Variants in MAF observed in about 807,000 individuals in gnomAD.
The protein encoded by MAF is MAF bZIP transcription factor, also known as transcription factor Maf.
Under a neutral mutation model 22.0 loss-of-function variants are expected in MAF, and 10 were observed. The ratio of observed to expected loss-of-function variants is 0.45; its 90% CI spans 0.28 to 0.77. MAF has a LOEUF of 0.77. MAF is among the 30% of genes least tolerant of loss of function. MAF has a pLI of 0.12. For synonymous variants in MAF, 337 were observed against 255.8 expected (o/e 1.32, Z -3.03); for missense variants, 544 against 548.4 (o/e 0.99, Z 0.08).
At chr16:79,337,435 T>A in the MAF span, among the ~76,000 whole-genome samples, 8 of 152,014 alleles carry the variant, frequency 5.3e-5, no homozygotes, top group African/African-American at 1.9e-4. Flanking sequence ...CCAGGTGTGG[T>A]GGCGCACCTC....
the MAF span, among the ~76,000 whole-genome samples, chr16:79,526,848 A>T: frequency 1.0e-5 from 1 of 97,382 alleles, no homozygotes; most frequent in African/African-American, 3.0e-5. Flanking sequence ...GCAAATAATA[A>T]GATATAGATA....
chr16:79,211,936 G>A, the MAF span: 3 of 1,538,146 alleles, frequency 2.0e-6, no homozygotes, highest in Non-Finnish European at 2.6e-6. Flanking sequence ...ACAACAGAGT[G>A]AAAAATCTTA....
At chr16:79,387,524 T>G in the MAF span, among the ~76,000 whole-genome samples, 102 of 152,298 alleles carry the variant, frequency 6.7e-4, no homozygotes, top group African/African-American at 2.2e-3. Context: ...TCTACATGAA[T>G]AGTCAATGCT....
the MAF span, among the ~76,000 whole-genome samples, chr16:79,257,043 G>C: frequency 2.0e-5 from 3 of 152,270 alleles, no homozygotes; most frequent in East Asian, 5.8e-4. Flanking sequence ...CAGGTATGGT[G>C]GTGGGCGCCT....
chr16:79,399,996 T>G, the MAF span, among the ~76,000 whole-genome samples: 2 of 69,670 alleles, frequency 2.9e-5, no homozygotes, highest in Non-Finnish European at 9.1e-5. Context: ...CCATTTCAAC[T>G]AAAACCATAA....
chr16:79,253,937 T>A, the MAF span, among the ~76,000 whole-genome samples: 1 of 152,138 alleles, frequency 6.6e-6, no homozygotes, highest in Non-Finnish European at 1.5e-5. Context: ...GCTTTCTGGG[T>A]TCTGAATTCT....
At chr16:79,224,234 A>G in the MAF span, among the ~76,000 whole-genome samples, 1 of 152,240 alleles carries the variant, frequency 6.6e-6, no homozygotes, top group Non-Finnish European at 1.5e-5. Flanking sequence ...GTAATCCATC[A>G]CATAAACAGA....
chr16:79,516,067 T>C, the MAF span: 14 of 147,412 alleles, frequency 9.5e-5, no homozygotes, highest in Non-Finnish European at 1.9e-4. Context: ...TCTCCAGCAA[T>C]TCTCCCCCAC....
chr16:79,223,426 G>A, the MAF span, among the ~76,000 whole-genome samples: 45 of 152,186 alleles, frequency 3.0e-4, no homozygotes, highest in African/African-American at 8.2e-4. Flanking sequence ...ATCTAAAATC[G>A]ACACTCTAAC....
the MAF span, among the ~76,000 whole-genome samples, chr16:79,293,788 C>A: frequency 6.6e-6 from 1 of 151,410 alleles, no homozygotes; most frequent in African/African-American, 2.4e-5. Flanking sequence ...GAAACAAGAA[C>A]CACCTTTTCT....
the MAF span, among the ~76,000 whole-genome samples, chr16:79,281,630 C>T: frequency 6.8e-6 from 1 of 147,418 alleles, no homozygotes; most frequent in African/African-American, 2.5e-5. Context: ...CTCACTGCAA[C>T]CTCCGCCTCC....
the MAF span, among the ~76,000 whole-genome samples, chr16:79,386,529 G>A: frequency 6.6e-6 from 1 of 152,164 alleles, no homozygotes; most frequent in Non-Finnish European, 1.5e-5. Flanking sequence ...CCCACGCACA[G>A]CTCACCTCCT....
the MAF span, among the ~76,000 whole-genome samples, chr16:79,257,129 A>G: frequency 3.4e-3 from 512 of 152,294 alleles, 9 homozygotes; most frequent in East Asian, 0.025. Context: ...GTGAGCCAAG[A>G]TCATGCCACT....
chr16:79,346,481 G>A, the MAF span, among the ~76,000 whole-genome samples: 7 of 151,970 alleles, frequency 4.6e-5, no homozygotes, highest in African/African-American at 7.2e-5. Context: ...GAAAAAGGGC[G>A]TCATTCTTTG....
At chr16:79,339,129 G>A in the MAF span, among the ~76,000 whole-genome samples, 87 of 152,050 alleles carry the variant, frequency 5.7e-4, no homozygotes, top group Admixed American at 9.8e-4. Flanking sequence ...GAGCGCAGTG[G>A]CACCATCTCG....
At chr16:79,245,046 C>T in the MAF span, among the ~76,000 whole-genome samples, 1 of 152,018 alleles carries the variant, frequency 6.6e-6, no homozygotes, top group South Asian at 2.1e-4. Context: ...CCCTTCCTTA[C>T]ACTCTATACA....
chr16:79,382,156 A>G, the MAF span, among the ~76,000 whole-genome samples: 1 of 152,246 alleles, frequency 6.6e-6, no homozygotes, highest in Non-Finnish European at 1.5e-5. Flanking sequence ...TCGCCAGCCT[A>G]GAATATCAAC....
At chr16:79,375,283 C>A in the MAF span, among the ~76,000 whole-genome samples, 1 of 152,156 alleles carries the variant, frequency 6.6e-6, no homozygotes, top group Non-Finnish European at 1.5e-5. Flanking sequence ...TAAAAGGGTT[C>A]AAGGCATTGA....
the MAF span, among the ~76,000 whole-genome samples, chr16:79,355,945 TCC>T: frequency 6.6e-6 from 1 of 152,050 alleles, no homozygotes; most frequent in Non-Finnish European, 1.5e-5. Context: ...AGCCTCGTAA[TCC>T]TTCTACAACT....
Sources: allele counts gnomAD v4.1 joint callset (sites outside exome capture counted in the v4.1 genomes callset), GRCh38; gene constraint gnomAD v4.1.1; transcripts MANE v1.5; gene names NCBI Gene and HGNC (gene_info 2026-07-23, HGNC 2026-07-21).